The following MYH4 variants were observed in gnomAD, a reference collection of about 807,000 sequenced individuals.
MYH4 encodes myosin heavy chain 4.
A neutral mutation model predicts 229.9 loss-of-function variants in MYH4; 200 were observed. That is an observed-to-expected ratio of 0.87 (90% CI 0.78 to 0.98). The LOEUF is 0.98. Among genes scored for constraint, MYH4 ranks in the 50% least tolerant of loss-of-function variants. The pLI is 0.00. For synonymous variants in MYH4, 761 were observed against 834.6 expected (o/e 0.91, Z 1.52); for missense variants, 2,148 against 2,332.6 (o/e 0.92, Z 1.63).
At position 10,447,054 on chromosome 17, in the gene MYH4, G is replaced by A. The variant is rs2072519670; in HGVS notation, c.5128C>T (p.Leu1710Phe). 1.2e-6 allele frequency: 2 copies of A among 1,614,152 alleles called. No individual in the cohort carries two copies. Among genetic ancestry groups the A allele is most frequent in the Non-Finnish European group, 1.7e-6 (2 of 1,180,022 alleles). ...ERGRKMAEQE[L>F]LDASERVQLL... ...TGCACACGTTCACTGGCATCCAGAA[G>A]CTCTTGCTCTGCCATTTTCCTGCCT... Residue 1710 changes from leucine to phenylalanine, a missense_variant, in exon 35 of 40, where the codon CTT becomes TTT. By Grantham distance (22) the Leu-to-Phe change is conservative. Coordinates refer to ENST00000255381, the MANE Select transcript of MYH4 (RefSeq NM_017533.2).
chr17:10,461,861 T>C (rs977754928), intron 11 of MYH4, among the ~76,000 whole-genome samples: 1 of 152,196 alleles, frequency 6.6e-6, no homozygotes, highest in Non-Finnish European at 1.5e-5. Context: ...TACCTAAGAC[T>C]CTTTCCCCAG....
chr17:10,452,786 C>A lies in MYH4; in HGVS notation c.3257+1G>T. 1 of 1,601,250 alleles carries A rather than the reference C, an allele frequency of 6.2e-7. No homozygotes were observed. Among genetic ancestry groups the A allele is most frequent in the Non-Finnish European group, 8.5e-7 (1 of 1,177,284 alleles). On this transcript the variant is annotated splice_donor_variant, in intron 25 of 39. Coordinates refer to ENST00000255381, the MANE Select transcript of MYH4 (RefSeq NM_017533.2). LOFTEE classifies it high-confidence loss of function. ...TTATAGCTGAATTATACCATACTTACTTTTTGAGTTTCTCATTAAGTTGCT... is the reference window on the plus strand; with the variant it reads ...TTATAGCTGAATTATACCATACTTAATTTTTGAGTTTCTCATTAAGTTGCT...
At position 10,464,496 on chromosome 17, in the gene MYH4, C is replaced by G; in HGVS notation, c.624G>C (p.Glu208Asp). ...TIAVTGEKKKEEPASGKMQGT... is the reference protein window; with the variant it reads ...TIAVTGEKKKDEPASGKMQGT... ...CCTGCATTTTGCCAGAGGCAGGTTC[C>G]TCTTTTTTCTTCTCTCCAGTAACTG... The change falls in exon 7 of 40, where the codon GAG (glutamate) becomes GAC (aspartate). Residue 208 changes from glutamate to aspartate, a missense_variant. Glu to Asp is a conservative substitution (Grantham distance 45). Transcript: ENST00000255381. The G allele has an allele frequency of 3.1e-6, 5 of 1,613,818 alleles. No homozygotes were observed. Among genetic ancestry groups the G allele is most frequent in the Non-Finnish European group, 4.2e-6 (5 of 1,179,932 alleles).
intron 4 of MYH4, 117 bp from the exon 5 acceptor site, chr17:10,465,715 C>G (rs2072756574): frequency 8.1e-7 from 1 of 1,230,782 alleles, no homozygotes; most frequent in Non-Finnish European, 1.1e-6. Flanking sequence ...CATAAAGTTT[C>G]ATTCATTTGT....
At chr17:10,451,024 G>A in intron 28 of MYH4, 129 bp from the exon 29 acceptor site, 2 of 878,424 alleles carry the variant, frequency 2.3e-6, no homozygotes, top group East Asian at 2.5e-5. Flanking sequence ...CAGTGATGTT[G>A]AGAAGGTTAT....
rs117895047 is a variant in MYH4, at chr17:10,451,344, G to C, written c.3847C>G (p.Arg1283Gly). ...TACTGACCTGATTCTGTGTGTAAAC[G>C]TGCCTTCTGGGCTGACAACTCATTT... ...LINELSAQKA[R>G]LHTESGEFSR... Residue 1283 changes from arginine to glycine, a missense_variant, in exon 28 of 40, where the codon CGT becomes GGT. Arg to Gly is a moderately radical substitution (Grantham distance 125). Transcript: ENST00000255381. 2 of 1,613,892 alleles carry C rather than the reference G, an allele frequency of 1.2e-6. No individual in the cohort carries two copies. The highest frequency in any genetic ancestry group is 1.3e-5 in the African/African-American group (1 of 75,032).
In MYH4 at chr17:10,450,874, T is replaced by C. The variant is rs2072565561; in HGVS notation, c.3887A>G (p.Asp1296Gly). Residue 1296 changes from aspartate to glycine, a missense_variant, in exon 29 of 40, where the codon GAT becomes GGT. By Grantham distance (94) the Asp-to-Gly change is moderately conservative (BLOSUM62 -1). Transcript: ENST00000255381. ...CTGAGAAACCATAGCATCTTTTTCA[T>C]CTAGCTGTCGTGAAAACTCACCTGT... The part of the protein sequence containing the change: ...TESGEFSRQL[D>G]EKDAMVSQLS... 6.2e-7 allele frequency: 1 copy of C among 1,614,066 alleles called. No individual in the cohort carries two copies. Among genetic ancestry groups the C allele is most frequent in the African/African-American group, 1.3e-5 (1 of 75,042 alleles).
chr17:10,464,569 C>A lies in MYH4; in HGVS notation c.551G>T (p.Gly184Val), dbSNP rs147601968. The change falls in exon 7 of 40, where the codon GGG (glycine) becomes GTG (valine). Residue 184 changes from glycine to valine, a missense_variant. Physicochemically the swap from Gly to Val is moderately radical, Grantham distance 109 (BLOSUM62 -3). Transcript: ENST00000255381. ...SILITGESGA[G>V]KTVNTKRVIQ... ...GACACGCTTCGTGTTCACAGTCTTCCCTGCACCAGATTCTCCACTATCAAG... is the reference window on the plus strand; with the variant it reads ...GACACGCTTCGTGTTCACAGTCTTCACTGCACCAGATTCTCCACTATCAAG... 3.5e-4 allele frequency: 561 copies of A among 1,613,912 alleles called. 1 individual carries two copies. The highest frequency in any genetic ancestry group is 1.2e-3 in the South Asian group (106 of 91,068).
chr17:10,443,617 T>C lies in MYH4; in HGVS notation c.5668-90A>G. The stretch of plus-strand genomic sequence containing the variant: ...GTTACTTCAGGATTTGCCTCATGAA[T>C]GAGAAAGAAAAAGGCTCCGTTGTCC... On this transcript the variant is annotated intron_variant, in intron 39 of 39. Coordinates refer to ENST00000255381, the MANE Select transcript of MYH4 (RefSeq NM_017533.2). This position sits in a 1 kb window ranked among gnomAD's most constrained non-coding sequence, Gnocchi z 4.6. 4 of 1,424,794 alleles carry C rather than the reference T, an allele frequency of 2.8e-6. No individual in the cohort carries two copies. The highest frequency in any genetic ancestry group is 3.8e-6 in the Non-Finnish European group (4 of 1,046,254). The allele number at this position is 1,424,794 out of a possible 1,614,324, so 88.3% of individuals were successfully genotyped here.
rs755820171 is a variant in MYH4 at position 10,451,961 on chromosome 17, C to T, written c.3718G>A (p.Glu1240Lys). 5 of 1,611,258 alleles carry T rather than the reference C, an allele frequency of 3.1e-6. No homozygotes were observed. The Admixed American group carries it at 6.7e-5, about 22-fold the overall frequency. Residue 1240 changes from glutamate (E) to lysine (K), a missense_variant, in exon 27 of 40, where the codon GAG becomes AAG. Glu to Lys is a moderately conservative substitution (Grantham distance 56). Transcript: ENST00000255381. Reference protein sequence around the residue: ...MEINDLASNMETVSKAKANFE... With the variant: ...MEINDLASNMKTVSKAKANFE... ...AAGACCTTGGCTTTGGAGACAGTCT[C>T]CATGTTACTAGCAAGGTCATTGATC...
chr17:10,456,621 C>T, intron 16 of MYH4, 66 bp from the exon 17 acceptor site: 1 of 1,268,950 alleles, frequency 7.9e-7, no homozygotes, highest in Non-Finnish European at 1.1e-6. Flanking sequence ...CCATAAACAT[C>T]AGGACTGCCA....
chr17:10,469,098 AAGT>A (rs10590764), intron 2 of MYH4, among the ~76,000 whole-genome samples, 187 bp downstream of exon 2: 57,154 of 151,800 alleles, frequency 0.38, 11,856 homozygotes, highest in East Asian at 0.85. Flanking sequence ...TGTGAAAGAG[AAGT>A]TTCATTAAGT....
rs1555561732 is a variant in MYH4, at chr17:10,452,117, G to GC, written c.3561dup (p.Gln1188AlafsTer16). On this transcript the variant is annotated frameshift_variant, in exon 27 of 40. Coordinates refer to ENST00000255381, the MANE Select transcript of MYH4 (RefSeq NM_017533.2). LOFTEE classifies it high-confidence loss of function. ...AGAGCAGCTGCCGTGGCTTCGTGCT[G>GC]CAGGGTGGACTCTTCCAGGTCCCTG... 5 of 1,614,032 alleles carry GC rather than the reference G, an allele frequency of 3.1e-6. No homozygotes were observed. Among genetic ancestry groups the GC allele is most frequent in the Non-Finnish European group, 4.2e-6 (5 of 1,179,988 alleles).
Position 10,443,631 on chromosome 17 carries a change from G to T in MYH4, c.5668-104C>A, listed in dbSNP as rs1330880715. 5 of 1,292,282 alleles carry T rather than the reference G, an allele frequency of 3.9e-6. No homozygotes were observed. The African/African-American group carries it at 5.9e-5, about 15-fold the overall frequency. The allele number at this position is 1,292,282 out of a possible 1,614,324, so 80.1% of individuals were successfully genotyped here. Reference sequence around the variant, plus strand: ...TGCCTCATGAATGAGAAAGAAAAAGGCTCCGTTGTCCAGGCATGGTGGCTC... The same window carrying T: ...TGCCTCATGAATGAGAAAGAAAAAGTCTCCGTTGTCCAGGCATGGTGGCTC... On this transcript the variant is annotated intron_variant, in intron 39 of 39. Coordinates refer to ENST00000255381, the MANE Select transcript of MYH4 (RefSeq NM_017533.2). The surrounding 1 kb of genome is among the most constrained non-coding windows in gnomAD (Gnocchi z 4.6).
chr17:10,447,825 A>G lies in MYH4; in HGVS notation c.4958T>C (p.Ile1653Thr). The G allele has an allele frequency of 6.2e-7, 1 of 1,609,698 alleles. No homozygotes were observed. The highest frequency in any genetic ancestry group is 1.1e-5 in the South Asian group (1 of 90,160). ...ALRNLRNTQG[I>T]LKDTQLHLDD... ...GTATTTACCCCAGCATACCTTCAGT[A>G]TTCCTTGTGTGTTTCTAAGATTCCT... Residue 1653 changes from isoleucine (I) to threonine (T), a missense_variant, in exon 34 of 40, where the codon ATA (isoleucine) becomes ACA (threonine). Coordinates refer to ENST00000255381, the MANE Select transcript of MYH4 (RefSeq NM_017533.2).
chr17:10,443,747 C>A lies in MYH4; in HGVS notation c.5668-220G>T. Among the ~76,000 whole-genome samples, 1 of 152,044 alleles carries A rather than the reference C, an allele frequency of 6.6e-6. No homozygotes were observed. The highest frequency in any genetic ancestry group is 6.6e-5 in the Admixed American group (1 of 15,264). ...ACCAGCCTGGCCAACATGGTGAAAC[C>A]CCCATCTTTACTAAAATTAGCCCAG... is the stretch of plus-strand genomic sequence containing the variant. On this transcript the variant is annotated intron_variant, in intron 39 of 39. Transcript: ENST00000255381. The surrounding 1 kb of genome is among the most constrained non-coding windows in gnomAD (Gnocchi z 4.6).
In MYH4 at chr17:10,457,545, T is replaced by C. The variant is rs908775303; in HGVS notation, c.1772A>G (p.Tyr591Cys). 9 of 1,614,108 alleles carry C rather than the reference T, an allele frequency of 5.6e-6. No homozygotes were observed. The African/African-American group carries it at 1.1e-4, about 19-fold the overall frequency. Residue 591 changes from tyrosine to cysteine, a missense_variant, in exon 16 of 40, where the codon TAC (tyrosine) becomes TGC (cysteine). Physicochemically the swap from Tyr to Cys is radical, Grantham distance 194. Transcript: ENST00000255381. ...SLVHYAGTVDYNIAGWLDKNK... is the reference protein window; with the variant it reads ...SLVHYAGTVDCNIAGWLDKNK... ...TTTGTCCAGCCAGCCGGCGATGTTG[T>C]AGTCCACGGTGCCGGCATAGTGCAC...
Position 10,455,171 on chromosome 17 carries a change from C to T in MYH4, c.2298+1G>A, listed in dbSNP as rs746806260. The T allele has an allele frequency of 8.7e-6, 14 of 1,614,042 alleles. No homozygotes were observed. Among genetic ancestry groups the T allele is most frequent in the Non-Finnish European group, 1.0e-5 (12 of 1,180,002 alleles). ...CAGATAGAAATTTGGACTGGTGATA[C>T]CTTGGTATGACCGAATTTGTACTGG... is the stretch of plus-strand genomic sequence containing the variant. On this transcript the variant is annotated splice_donor_variant, in intron 20 of 39. Coordinates refer to ENST00000255381, the MANE Select transcript of MYH4 (RefSeq NM_017533.2). LOFTEE classifies it high-confidence loss of function.
chr17:10,460,273 A>C lies in MYH4; in HGVS notation c.1196T>G (p.Leu399Arg). 1 of 1,613,774 alleles carries C rather than the reference A, an allele frequency of 6.2e-7. No homozygotes were observed. The change falls in exon 13 of 40, where the codon CTC becomes CGC. Residue 399 changes from leucine to arginine, a missense_variant. Transcript: ENST00000255381. Reference sequence around the variant, plus strand: ...GACTCTGGGATAGCAGAGAGATTTGAGCAGGTCAGCAGAGTTCAGACTTGT... The same window carrying C: ...GACTCTGGGATAGCAGAGAGATTTGCGCAGGTCAGCAGAGTTCAGACTTGT... ...YLTSLNSADL[L>R]KSLCYPRVKV...
Sources: allele counts gnomAD v4.1 joint callset (sites outside exome capture counted in the v4.1 genomes callset), GRCh38; gene constraint gnomAD v4.1.1; non-coding constraint Gnocchi (gnomAD v3.1); transcripts MANE v1.5; gene names NCBI Gene and HGNC (gene_info 2026-07-23, HGNC 2026-07-21).